The following SP7 variants were observed in gnomAD, a reference collection of about 807,000 sequenced individuals.
SP7 encodes the protein transcription factor Sp7.
In SP7, 13 loss-of-function variants were observed where a neutral mutation model predicts 27.9. The observed-to-expected ratio is 0.47, with a 90% CI of 0.30 to 0.74. The LOEUF is 0.74. Ranked by LOEUF, SP7 falls within the 30% of genes least tolerant of loss-of-function variation. SP7 has a pLI of 0.06. For synonymous variants in SP7, 219 were observed against 226.7 expected, an observed-to-expected ratio of 0.97 and a Z score of 0.31; for missense variants, 525 against 558.0, an observed-to-expected ratio of 0.94 and a Z score of 0.60.
upstream of SP7, among the ~76,000 whole-genome samples, chr12:53,339,616 T>C (rs924081536): frequency 2.0e-5 from 3 of 151,702 alleles, no homozygotes; most frequent in Non-Finnish European, 4.4e-5. Context: ...TCCCAGCTAC[T>C]TGGGAGGCTG....
rs539450787 is a variant in SP7, at chr12:53,335,605, G to A, written c.21+21C>T. The A allele has an allele frequency of 3.2e-5, 43 of 1,358,574 alleles. No homozygotes were observed. The African/African-American group carries it at 5.4e-4, about 17-fold the overall frequency. The allele number at this position is 1,358,574 out of a possible 1,614,324, so 84.2% of individuals were successfully genotyped here. Reference sequence around the variant, plus strand: ...CATTAAGGTTGTGGCTGGTTTCCTGGGGGGAAGAGGGGACAGTTACCTCAA... The same window carrying A: ...CATTAAGGTTGTGGCTGGTTTCCTGAGGGGAAGAGGGGACAGTTACCTCAA... On this transcript the variant is annotated intron_variant, in intron 2 of 2. Coordinates refer to ENST00000536324, the MANE Select transcript of SP7 (RefSeq NM_001173467.3).
upstream of SP7, among the ~76,000 whole-genome samples, chr12:53,339,997 C>T (rs989646010): frequency 2.6e-5 from 4 of 152,080 alleles, no homozygotes; most frequent in Admixed American, 6.6e-5. Context: ...TACCTGATGA[C>T]AGACACATTC....
intron 1 of SP7, among the ~76,000 whole-genome samples, chr12:53,342,677 G>A (rs1944834443): frequency 6.6e-6 from 1 of 151,990 alleles, no homozygotes; most frequent in Non-Finnish European, 1.5e-5. Context: ...TTAGCCAGAT[G>A]TGGTGGCAGA....
At chr12:53,337,868 G>A (rs1944785539), upstream of SP7, among the ~76,000 whole-genome samples, 1 of 152,072 alleles carries the variant, frequency 6.6e-6, no homozygotes, top group Non-Finnish European at 1.5e-5. Flanking sequence ...AGCAGCAAAA[G>A]AAGAAACAGA....
Position 53,332,112 on chromosome 12 carries a change from G to A in SP7, c.22-2692C>T, listed in dbSNP as rs559054388. ...ACCCCTGATCTTCCAAGCAGCGGGT[G>A]AGCTATGGCAGGGTAGCTGATGGGG... On this transcript the variant is annotated intron_variant, in intron 2 of 2. Transcript: ENST00000536324. 5.3e-5 allele frequency among the ~76,000 whole-genome samples: 8 copies of A among 152,310 alleles called. No individual in the cohort carries two copies. The South Asian group carries it at 1.4e-3, about 28-fold the overall frequency.
chr12:53,336,483 G>C (rs1944773573), upstream of SP7: 1 of 153,964 alleles, frequency 6.5e-6, no homozygotes. Flanking sequence ...CTCACACAGA[G>C]AGACTGGAAC....
chr12:53,335,824 C>T (rs1944764150), intron 1 of SP7, 131 bp from the exon 2 acceptor site: 2 of 1,408,522 alleles, frequency 1.4e-6, no homozygotes, highest in Middle Eastern at 2.7e-4. Flanking sequence ...GGGATCCACC[C>T]TCTAATTACA....
At chr12:53,334,721 T>G (rs1206389897) in intron 2 of SP7, among the ~76,000 whole-genome samples, 2 of 152,182 alleles carry the variant, frequency 1.3e-5, no homozygotes, top group Non-Finnish European at 2.9e-5. Flanking sequence ...TGGCCCTGAG[T>G]GGCTGTGAGC....
At chr12:53,343,013 G>A (rs1565795824) in intron 1 of SP7, among the ~76,000 whole-genome samples, 1 of 151,250 alleles carries the variant, frequency 6.6e-6, no homozygotes, top group African/African-American at 2.4e-5. Flanking sequence ...AAGGAAGAGT[G>A]GTGCCAGTGC....
At chr12:53,330,911 C>T (rs751689570) in intron 2 of SP7, among the ~76,000 whole-genome samples, 4 of 152,208 alleles carry the variant, frequency 2.6e-5, no homozygotes, top group Non-Finnish European at 5.9e-5. Flanking sequence ...ACAGGGCTGC[C>T]GCCAAGCCCA....
At chr12:53,333,533 G>A (rs1349902924) in intron 2 of SP7, among the ~76,000 whole-genome samples, 1 of 152,098 alleles carries the variant, frequency 6.6e-6, no homozygotes, top group African/African-American at 2.4e-5. Context: ...ACATCTCAGG[G>A]CTGACTGGCC....
At position 53,327,879 on chromosome 12, in the gene SP7, T is replaced by G; in HGVS notation, c.*267A>C. On this transcript the variant is annotated 3_prime_UTR_variant, in exon 3 of 3. Transcript: ENST00000536324. Reference sequence around the variant, plus strand: ...GTGTGTTGGTGTGGCAGGGCCAGAGTCTAGGAAGCCGGAGTGCAGGTATCA... The same window carrying G: ...GTGTGTTGGTGTGGCAGGGCCAGAGGCTAGGAAGCCGGAGTGCAGGTATCA... 4.4e-6 allele frequency: 2 copies of G among 450,946 alleles called. No individual in the cohort carries two copies. Among genetic ancestry groups the G allele is most frequent in the Non-Finnish European group, 3.9e-6 (1 of 255,192 alleles). The allele number at this position is 450,946 out of a possible 1,614,324, so 27.9% of individuals were successfully genotyped here. A position where few individuals can be genotyped will look rare whatever the true frequency, so the allele number is the denominator to read the frequency against.
At chr12:53,339,976 G>A (rs1944808341), upstream of SP7, among the ~76,000 whole-genome samples, 1 of 152,182 alleles carries the variant, frequency 6.6e-6, no homozygotes, top group Non-Finnish European at 1.5e-5. Flanking sequence ...ACTGACACAT[G>A]CCCTAATACA....
At chr12:53,331,455 A>G (rs1479264579) in intron 2 of SP7, among the ~76,000 whole-genome samples, 2 of 136,616 alleles carry the variant, frequency 1.5e-5, no homozygotes, top group East Asian at 2.2e-4. Context: ...TAGGCTACAG[A>G]GCAAGACTCC....
chr12:53,335,765 A>G, intron 1 of SP7, 72 bp from the exon 2 acceptor site: 1 of 1,173,884 alleles, frequency 8.5e-7, no homozygotes, highest in South Asian at 1.5e-5. Flanking sequence ...GGGAGAGAAG[A>G]GATCTAAAGT....
chr12:53,330,878 A>G (rs191634438), intron 2 of SP7, among the ~76,000 whole-genome samples: 27 of 152,320 alleles, frequency 1.8e-4, no homozygotes, highest in Admixed American at 1.5e-3. Flanking sequence ...GTGATGGTGG[A>G]GACACTGGGA....
chr12:53,334,521 C>T (rs1218929566), intron 2 of SP7, among the ~76,000 whole-genome samples: 3 of 152,196 alleles, frequency 2.0e-5, no homozygotes, highest in Non-Finnish European at 2.9e-5. Context: ...GGCCCAGCAC[C>T]CCTGGGCCTG....
intron 2 of SP7, among the ~76,000 whole-genome samples, chr12:53,334,194 G>A (rs1233444674): frequency 2.0e-5 from 3 of 152,158 alleles, no homozygotes; most frequent in Non-Finnish European, 4.4e-5. Flanking sequence ...GCTGGATACA[G>A]AGTGTGACAA....
intron 2 of SP7, among the ~76,000 whole-genome samples, chr12:53,329,945 A>G (rs1944684934): frequency 6.6e-6 from 1 of 151,692 alleles, no homozygotes. Context: ...TGTTGACCAG[A>G]CTGGTCTCAA....
Sources: allele counts gnomAD v4.1 joint callset (sites outside exome capture counted in the v4.1 genomes callset), GRCh38; gene constraint gnomAD v4.1.1; transcripts MANE v1.5; gene names NCBI Gene and HGNC (gene_info 2026-07-23, HGNC 2026-07-21).